Variants in EPC1 observed in about 807,000 individuals in gnomAD.
EPC1 encodes the protein enhancer of polycomb homolog 1.
A neutral mutation model predicts 98.4 loss-of-function variants in EPC1; 12 were observed. The observed-to-expected ratio is 0.12, with a 90% CI of 0.08 to 0.20. The LOEUF (loss-of-function observed/expected upper bound fraction) is 0.20, where lower values mean the gene tolerates loss of function less well. EPC1 is among the 10% of genes least tolerant of loss of function. The probability of loss-of-function intolerance (pLI) is 1.00; values close to 1 mark genes in which losing one functional copy is unlikely to be tolerated. For synonymous variants in EPC1, 357 were observed against 363.9 expected (o/e 0.98, Z 0.21); for missense variants, 729 against 990.5 (o/e 0.74, Z 3.54).
In EPC1 at chr10:32,346,749, G is replaced by C; in HGVS notation, c.153+14C>G. ...GGGCCTGACGGTGGGTCGGACAGGG[G>C]AGTTAACACGTACCGACTCCTCTTC... On this transcript the variant is annotated intron_variant, in intron 1 of 13. Coordinates refer to ENST00000319778, the MANE Select transcript of EPC1 (RefSeq NM_001272004.3). 3.7e-6 allele frequency: 6 copies of C among 1,613,170 alleles called. No homozygotes were observed. The highest frequency in any genetic ancestry group is 5.1e-6 in the Non-Finnish European group (6 of 1,179,300).
chr10:32,340,603 G>A (rs1477572852), intron 1 of EPC1, among the ~76,000 whole-genome samples: 2 of 152,158 alleles, frequency 1.3e-5, no homozygotes, highest in Non-Finnish European at 2.9e-5. Context: ...ACCAAGGTGG[G>A]TGGATCACTT....
intron 10 of EPC1, among the ~76,000 whole-genome samples, chr10:32,277,340 G>C (rs1836156099): frequency 6.6e-6 from 1 of 152,134 alleles, no homozygotes; most frequent in African/African-American, 2.4e-5. Flanking sequence ...GATGCTGAAG[G>C]GGGAGCAAAC....
intron 1 of EPC1, among the ~76,000 whole-genome samples, chr10:32,355,053 A>C (rs1160047227): frequency 6.6e-6 from 1 of 152,200 alleles, no homozygotes; most frequent in African/African-American, 2.4e-5. Flanking sequence ...TGCACAATAA[A>C]TGTAATGCAC....
intron 1 of EPC1, chr10:32,377,350 G>C (rs1391374981): frequency 6.6e-6 from 1 of 152,112 alleles, no homozygotes; most frequent in Non-Finnish European, 1.5e-5. Flanking sequence ...TTACAATGTT[G>C]AAGGAACTAA....
At chr10:32,272,958 G>T in intron 11 of EPC1, 1 of 1,411,624 alleles carries the variant, frequency 7.1e-7, no homozygotes, top group Non-Finnish European at 1.0e-6. Flanking sequence ...ATTTAACTAA[G>T]TGCTTTAGTT....
At chr10:32,375,103 G>A (rs1564571336) in intron 1 of EPC1, among the ~76,000 whole-genome samples, 1 of 152,036 alleles carries the variant, frequency 6.6e-6, no homozygotes, top group Non-Finnish European at 1.5e-5. Context: ...GAGGACAGTG[G>A]TGTATCTGTA....
chr10:32,347,029 G>T lies in EPC1; in HGVS notation c.-114C>A. ...AACCGCTGCCGGGGACTTGAGGGGC[G>T]GAGCGCAGAGCCCGCCGTCCGGGCA... On this transcript the variant is annotated 5_prime_UTR_variant, in exon 1 of 14. Coordinates refer to ENST00000319778, the MANE Select transcript of EPC1 (RefSeq NM_001272004.3). The T allele has an allele frequency of 1.3e-6, 2 of 1,495,814 alleles. No homozygotes were observed. The highest frequency in any genetic ancestry group is 1.3e-5 in the South Asian group (1 of 76,738). 92.7% of individuals were successfully genotyped at this position (1,495,814 alleles called of 1,614,324 possible). A position where few individuals can be genotyped will look rare whatever the true frequency, so the allele number is the denominator to read the frequency against.
At chr10:32,288,312 CTTT>C (rs5784278) in intron 6 of EPC1, among the ~76,000 whole-genome samples, 2 of 124,098 alleles carry the variant, frequency 1.6e-5, no homozygotes, top group Non-Finnish European at 3.3e-5. Context: ...TTACTTTTTT[CTTT>C]TTTTTTTTTT....
intron 1 of EPC1, among the ~76,000 whole-genome samples, chr10:32,339,874 T>C (rs1311368210): frequency 6.6e-6 from 1 of 152,198 alleles, no homozygotes; most frequent in African/African-American, 2.4e-5. Context: ...TGTCAATGGA[T>C]ACAAAATCAA....
At chr10:32,335,011 A>G (rs535222526) in intron 1 of EPC1, among the ~76,000 whole-genome samples, 11 of 152,322 alleles carry the variant, frequency 7.2e-5, no homozygotes, top group African/African-American at 1.9e-4. Context: ...CATTGTGAAG[A>G]TATTTATACA....
chr10:32,340,283 G>A (rs138758342), intron 1 of EPC1, among the ~76,000 whole-genome samples: 31 of 152,312 alleles, frequency 2.0e-4, no homozygotes, highest in Non-Finnish European at 4.0e-4. Context: ...CTACACCTCA[G>A]ATAACATATT....
At chr10:32,347,180 C>T, upstream of EPC1, 1 of 1,339,470 alleles carries the variant, frequency 7.5e-7, no homozygotes, top group South Asian at 1.9e-5. Context: ...CCAACCCCAG[C>T]CATTCCCCAC....
chr10:32,272,242 C>G (rs994765749), intron 11 of EPC1, 75 bp from the exon 12 acceptor site: 2 of 1,251,602 alleles, frequency 1.6e-6, no homozygotes, highest in East Asian at 2.6e-5. Flanking sequence ...CACATGCATA[C>G]CAAAATCAGT....
intron 1 of EPC1, among the ~76,000 whole-genome samples, chr10:32,375,112 T>C (rs1471247824): frequency 6.6e-6 from 1 of 152,070 alleles, no homozygotes; most frequent in African/African-American, 2.4e-5. Context: ...GGTGTATCTG[T>C]ATCGTCTTAT....
At chr10:32,339,897 T>C (rs1592616833) in intron 1 of EPC1, among the ~76,000 whole-genome samples, 2 of 152,208 alleles carry the variant, frequency 1.3e-5, no homozygotes, top group East Asian at 3.9e-4. Flanking sequence ...TAGGGAAAGT[T>C]TCCTTAGGAT....
At chr10:32,327,087 A>ACACT (rs529174410) in intron 1 of EPC1, among the ~76,000 whole-genome samples, 4,018 of 151,442 alleles carry the variant, frequency 0.027, 111 homozygotes, top group East Asian at 0.11. Flanking sequence ...ACACACACAC[A>ACACT]CACTCACAAT....
intron 2 of EPC1, among the ~76,000 whole-genome samples, chr10:32,304,190 A>G (rs1835740662): frequency 6.6e-6 from 1 of 152,234 alleles, no homozygotes; most frequent in Non-Finnish European, 1.5e-5. Flanking sequence ...AGTCAAATGT[A>G]TTTTATAGAT....
At chr10:32,329,972 G>A (rs1837542721) in intron 1 of EPC1, among the ~76,000 whole-genome samples, 1 of 152,184 alleles carries the variant, frequency 6.6e-6, no homozygotes. Context: ...GGGGAATGGT[G>A]TTTCAGTGCA....
At chr10:32,274,299 T>C (rs1443478714) in intron 10 of EPC1, among the ~76,000 whole-genome samples, 5 of 152,128 alleles carry the variant, frequency 3.3e-5, no homozygotes, top group Admixed American at 3.3e-4. Context: ...CAATCTAAAG[T>C]TTAATGTTTT....
Sources: allele counts gnomAD v4.1 joint callset (sites outside exome capture counted in the v4.1 genomes callset), GRCh38; gene constraint gnomAD v4.1.1; transcripts MANE v1.5; gene names NCBI Gene and HGNC (gene_info 2026-07-23, HGNC 2026-07-21).